The following CTNNA2 variants were observed in gnomAD, a reference collection of about 807,000 sequenced individuals.
The protein encoded by CTNNA2 is catenin alpha-2.
Under a neutral mutation model 101.0 loss-of-function variants are expected in CTNNA2, and 42 were observed. The ratio of observed to expected loss-of-function variants is 0.42; its 90% CI spans 0.32 to 0.54. CTNNA2 has a LOEUF of 0.54. Ranked by LOEUF, CTNNA2 falls within the 20% of genes least tolerant of loss-of-function variation. The probability of loss-of-function intolerance (pLI) is 0.14; values close to 1 mark genes in which losing one functional copy is unlikely to be tolerated. For missense variants in CTNNA2, 871 were observed against 1,223.1 expected (o/e 0.71, Z 4.29); for synonymous variants, 450 against 456.4 (o/e 0.99, Z 0.18).
chr2:79,394,807 G>A (rs1678212425), intron 4 of CTNNA2, among the ~76,000 whole-genome samples: 1 of 152,076 alleles, frequency 6.6e-6, no homozygotes, highest in Non-Finnish European at 1.5e-5. Context: ...TATGCTAAAT[G>A]TAAAAAAGGC....
At chr2:79,421,544 GCTAATAC>G (rs1184533680) in intron 4 of CTNNA2, among the ~76,000 whole-genome samples, 2 of 152,126 alleles carry the variant, frequency 1.3e-5, no homozygotes, top group Admixed American at 6.5e-5. Flanking sequence ...CATATAGATG[GCTAATAC>G]CTTGATGACC....
In CTNNA2 at chr2:80,264,278, A is replaced by G. The variant is rs76307949; in HGVS notation, c.1057-128933A>G. Among the ~76,000 whole-genome samples, 1,432 of 152,240 alleles carry G rather than the reference A, an allele frequency of 9.4e-3. 20 individuals carry two copies. The highest frequency in any genetic ancestry group is 0.032 in the African/African-American group (1,329 of 41,544). On this transcript the variant is annotated intron_variant, in intron 7 of 18. Transcript: ENST00000402739. ...TTTAACGATATTGGAGGAGAAGGTT[A>G]TAGCAAAATGATTTACAAATAGTAA...
intron 4 of CTNNA2, among the ~76,000 whole-genome samples, chr2:79,398,100 T>G (rs902760588): frequency 6.6e-6 from 1 of 152,144 alleles, no homozygotes; most frequent in Non-Finnish European, 1.5e-5. Flanking sequence ...GGTAGAAAGA[T>G]AATTCTCTAT....
Position 79,772,735 on chromosome 2 carries a change from A to T in CTNNA2, c.298+28153A>T, listed in dbSNP as rs980032054. On this transcript the variant is annotated intron_variant, in intron 3 of 18. Transcript: ENST00000402739. The stretch of plus-strand genomic sequence containing the variant: ...CACAGGCCACCTTACCTGGCTATTT[A>T]AAAAAAATGTGTAGAGACAGGGTCT... 4.0e-5 allele frequency among the ~76,000 whole-genome samples: 6 copies of T among 149,938 alleles called. No homozygotes were observed. The East Asian group carries it at 5.8e-4, about 15-fold the overall frequency.
At chr2:80,448,866 C>T (rs929659235) in intron 9 of CTNNA2, among the ~76,000 whole-genome samples, 7 of 152,172 alleles carry the variant, frequency 4.6e-5, no homozygotes, top group African/African-American at 1.2e-4. Context: ...ATTTCCCCAG[C>T]TCTCCTTCCT....
At chr2:79,822,556 T>C (rs1398940910) in intron 3 of CTNNA2, among the ~76,000 whole-genome samples, 1 of 152,182 alleles carries the variant, frequency 6.6e-6, no homozygotes, top group African/African-American at 2.4e-5. Flanking sequence ...TTGCCTCTGA[T>C]TTCTAGTCTG....
rs138655523 is a variant in CTNNA2, at chr2:79,263,879, G to A, written c.-405-48830G>A. ...ATTTCTATTGGTTATAACTTACCCA[G>A]TCTGTGGTATTCTATTATAGAAACA... On this transcript the variant is annotated intron_variant, in intron 2 of 21. Coordinates refer to the CTNNA2 transcript ENST00000466387. Among the ~76,000 whole-genome samples, 28 of 152,284 alleles carry A rather than the reference G, an allele frequency of 1.8e-4. No individual in the cohort carries two copies. In the East Asian group the frequency reaches 5.4e-3, roughly 29 times the overall value.
intron 3 of CTNNA2, among the ~76,000 whole-genome samples, chr2:79,323,641 A>G (rs552097960): frequency 3.9e-5 from 6 of 152,294 alleles, no homozygotes; most frequent in Admixed American, 3.3e-4. Context: ...GACTGACCTC[A>G]TTCAGAATTC....
intron 18 of CTNNA2, among the ~76,000 whole-genome samples, chr2:80,619,964 T>C (rs1334484865): frequency 1.2e-4 from 18 of 151,910 alleles, no homozygotes; most frequent in Admixed American, 1.2e-3. Context: ...TTATATGCCT[T>C]AGTATTTAGA....
chr2:80,222,265 C>T (rs541397124), intron 7 of CTNNA2, among the ~76,000 whole-genome samples: 3 of 152,280 alleles, frequency 2.0e-5, no homozygotes, highest in South Asian at 4.1e-4. Context: ...TCTGCTTATA[C>T]ACAAAGCAAG....
chr2:79,666,993 A>T (rs1682463234), intron 2 of CTNNA2, among the ~76,000 whole-genome samples: 1 of 152,152 alleles, frequency 6.6e-6, no homozygotes, highest in Non-Finnish European at 1.5e-5. Context: ...TCAGGAAGGA[A>T]CCTCAAGAAG....
At chr2:79,749,642 G>A (rs1671879290) in intron 3 of CTNNA2, among the ~76,000 whole-genome samples, 1 of 152,178 alleles carries the variant, frequency 6.6e-6, no homozygotes, top group Non-Finnish European at 1.5e-5. Context: ...GGAGTCTTGT[G>A]AAATCAGGAA....
At chr2:80,133,986 A>G (rs1368607402) in intron 7 of CTNNA2, among the ~76,000 whole-genome samples, 1 of 152,178 alleles carries the variant, frequency 6.6e-6, no homozygotes, top group Non-Finnish European at 1.5e-5. Context: ...GGTCATGGTG[A>G]GGGTTAAATG....
At chr2:80,508,668 T>G (rs1308538378) in intron 9 of CTNNA2, among the ~76,000 whole-genome samples, 1 of 143,878 alleles carries the variant, frequency 7.0e-6, no homozygotes, top group Non-Finnish European at 1.5e-5. Context: ...TGCTATGGGA[T>G]TTATGCAAAA....
At position 80,251,271 on chromosome 2, in the gene CTNNA2, T is replaced by C. The variant is rs565277297; in HGVS notation, c.1057-141940T>C. Among the ~76,000 whole-genome samples, 4 of 152,282 alleles carry C rather than the reference T, an allele frequency of 2.6e-5. No homozygotes were observed. In the South Asian group the frequency reaches 6.2e-4, roughly 24 times the overall value. ...TTAAACTTTACATATTGTTTTCTCCTTCTTTGAGATGCCATTTGTTAAATA... is the reference window on the plus strand; with the variant it reads ...TTAAACTTTACATATTGTTTTCTCCCTCTTTGAGATGCCATTTGTTAAATA... On this transcript the variant is annotated intron_variant, in intron 7 of 18. Transcript: ENST00000402739.
chr2:80,376,049 G>T (rs995901032), intron 7 of CTNNA2, among the ~76,000 whole-genome samples: 5 of 152,064 alleles, frequency 3.3e-5, no homozygotes, highest in African/African-American at 7.2e-5. Context: ...GAAGCTCCAG[G>T]ATAAGGTCTG....
chr2:80,626,247 A>T (rs1671673253), intron 18 of CTNNA2, among the ~76,000 whole-genome samples: 1 of 152,104 alleles, frequency 6.6e-6, no homozygotes, highest in Non-Finnish European at 1.5e-5. Flanking sequence ...ATCTGTCTGT[A>T]GTTCAGGGAG....
chr2:79,883,757 A>G (rs1267026164), intron 6 of CTNNA2, among the ~76,000 whole-genome samples: 1 of 152,194 alleles, frequency 6.6e-6, no homozygotes, highest in Non-Finnish European at 1.5e-5. Context: ...CTTGTTTTGT[A>G]GATGAAGATA....
chr2:79,189,739 A>G (rs190361813), intron 1 of CTNNA2, among the ~76,000 whole-genome samples: 28 of 152,262 alleles, frequency 1.8e-4, no homozygotes, highest in African/African-American at 6.7e-4. Flanking sequence ...TCCCACGGAT[A>G]TTGGGATATA....
Sources: gnomAD v4.1 joint callset for allele counts (sites outside exome capture counted in the v4.1 genomes callset) on GRCh38, gnomAD v4.1.1 for gene constraint, MANE v1.5 for transcripts, NCBI Gene and HGNC (gene_info 2026-07-23, HGNC 2026-07-21) for gene names.